The following FAM174B variants were observed in gnomAD, a reference collection of about 807,000 sequenced individuals.
FAM174B encodes membrane protein FAM174B.
In FAM174B, 12 loss-of-function variants were observed where a neutral mutation model predicts 10.9. The ratio of observed to expected loss-of-function variants is 1.10; its 90% confidence interval spans 0.71 to 1.79. The LOEUF (loss-of-function observed/expected upper bound fraction) is 1.79. Ranked by LOEUF, FAM174B falls within the 40% of genes most tolerant of loss-of-function variation. The probability of loss-of-function intolerance (pLI) is 0.00; values close to 1 mark genes in which losing one functional copy is unlikely to be tolerated. For synonymous variants in FAM174B, 132 were observed against 115.8 expected (o/e 1.14, Z -0.90); for missense variants, 266 against 233.3 (o/e 1.14, Z -0.91).
At chr15:92,631,435 A>G (rs1274329389) in intron 1 of FAM174B, among the ~76,000 whole-genome samples, 2 of 43,298 alleles carry the variant, frequency 4.6e-5, no homozygotes, top group African/African-American at 3.0e-4. Context: ...ATAATATAAT[A>G]TATTATATAT....
chr15:92,617,502 G>C lies in FAM174B; in HGVS notation c.*1954C>G. Reference sequence around the variant, plus strand: ...CCTGTGGCGCTGAAGTGCCACCAAGGATTTGGAAGGTCACTTTCAGCAGCC... The same window carrying C: ...CCTGTGGCGCTGAAGTGCCACCAAGCATTTGGAAGGTCACTTTCAGCAGCC... On this transcript the variant is annotated 3_prime_UTR_variant, in exon 3 of 3. Transcript: ENST00000327355. 2 of 507,496 alleles carry C rather than the reference G, an allele frequency of 3.9e-6. No individual in the cohort carries two copies. The allele number at this position is 507,496 out of a possible 1,614,324, so 31.4% of individuals were successfully genotyped here.
intron 1 of FAM174B, among the ~76,000 whole-genome samples, chr15:92,641,289 A>G (rs1161235557): frequency 1.3e-5 from 2 of 152,268 alleles, no homozygotes; most frequent in Admixed American, 6.5e-5. Flanking sequence ...TTGTTACAAC[A>G]TATACAGAGA....
chr15:92,646,988 T>C (rs2050932644), intron 1 of FAM174B, among the ~76,000 whole-genome samples: 2 of 152,260 alleles, frequency 1.3e-5, no homozygotes, highest in Admixed American at 6.5e-5. Flanking sequence ...GGCTGAGTCA[T>C]GGGCCAGTGG....
chr15:92,649,677 T>C (rs1249475131), intron 1 of FAM174B, among the ~76,000 whole-genome samples: 1 of 152,212 alleles, frequency 6.6e-6, no homozygotes, highest in African/African-American at 2.4e-5. Flanking sequence ...CAGCAGGCCT[T>C]GAAGCCGAGA....
At chr15:92,629,182 G>A (rs1032911852) in intron 2 of FAM174B, among the ~76,000 whole-genome samples, 1 of 152,160 alleles carries the variant, frequency 6.6e-6, no homozygotes, top group Non-Finnish European at 1.5e-5. Context: ...GGACCAGCCT[G>A]CATTTCTGTT....
At chr15:92,655,065 T>C (rs2050992098) in intron 1 of FAM174B, 1 of 364,784 alleles carries the variant, frequency 2.7e-6, no homozygotes, top group African/African-American at 2.1e-5. Flanking sequence ...AGCCAACAAA[T>C]GGGAACCACA....
intron 1 of FAM174B, among the ~76,000 whole-genome samples, chr15:92,635,341 T>C (rs2050848377): frequency 6.6e-6 from 1 of 152,170 alleles, no homozygotes; most frequent in Admixed American, 6.6e-5. Flanking sequence ...CACAACTCTC[T>C]TTACAAAAGA....
chr15:92,643,409 A>G (rs1339215299), intron 1 of FAM174B, among the ~76,000 whole-genome samples: 1 of 149,988 alleles, frequency 6.7e-6, no homozygotes, highest in Non-Finnish European at 1.5e-5. Flanking sequence ...ACTTGCTTCT[A>G]TATTTATAAA....
intron 1 of FAM174B, among the ~76,000 whole-genome samples, chr15:92,635,765 G>A (rs1464400851): frequency 6.6e-6 from 1 of 151,936 alleles, no homozygotes; most frequent in African/African-American, 2.4e-5. Flanking sequence ...ATTTTTAGTA[G>A]AGATGGGTTT....
Position 92,617,832 on chromosome 15 carries a change from A to G in FAM174B, c.*1624T>C, listed in dbSNP as rs2050689364. ...GAAAACAGAGAAGGAAAGTCAACAA[A>G]GAAGGTGAAATGCAGGGAGCAGAGA... On this transcript the variant is annotated 3_prime_UTR_variant, in exon 3 of 3. Coordinates refer to ENST00000327355, the MANE Select transcript of FAM174B (RefSeq NM_207446.3). 2.0e-6 allele frequency: 1 copy of G among 495,928 alleles called. No individual in the cohort carries two copies. The highest frequency in any genetic ancestry group is 4.1e-5 in the Admixed American group (1 of 24,676). The allele number at this position is 495,928 out of a possible 1,614,324, so 30.7% of individuals were successfully genotyped here.
At chr15:92,654,325 G>A (rs1474236013) in intron 1 of FAM174B, among the ~76,000 whole-genome samples, 1 of 152,192 alleles carries the variant, frequency 6.6e-6, no homozygotes, top group Non-Finnish European at 1.5e-5. Flanking sequence ...TGTACGCTTG[G>A]AAGCAGAGGG....
intron 1 of FAM174B, among the ~76,000 whole-genome samples, chr15:92,640,771 A>AAGT (rs1471464312): frequency 2.6e-5 from 4 of 151,826 alleles, no homozygotes; most frequent in Non-Finnish European, 4.4e-5. Flanking sequence ...CAGCCTCCCA[A>AAGT]GTAGCTGGGA....
intron 1 of FAM174B, among the ~76,000 whole-genome samples, chr15:92,633,100 A>T (rs188680035): frequency 2.8e-4 from 42 of 152,284 alleles, no homozygotes; most frequent in Admixed American, 2.6e-3. Context: ...AATACTGTCT[A>T]TGAGAAACCA....
At chr15:92,624,767 G>A (rs1395165160) in intron 2 of FAM174B, among the ~76,000 whole-genome samples, 1 of 152,224 alleles carries the variant, frequency 6.6e-6, no homozygotes, top group Non-Finnish European at 1.5e-5. Context: ...CCGGGACAGG[G>A]ACCTCCCTCT....
chr15:92,626,976 CGA>C (rs1055062777), intron 2 of FAM174B: 1 of 152,054 alleles, frequency 6.6e-6, no homozygotes, highest in African/African-American at 2.4e-5. Flanking sequence ...CGCTTGAACC[CGA>C]GAGGCAGAGG....
At chr15:92,638,476 C>T (rs1223483443) in intron 1 of FAM174B, among the ~76,000 whole-genome samples, 3 of 152,188 alleles carry the variant, frequency 2.0e-5, no homozygotes, top group Non-Finnish European at 2.9e-5. Context: ...AGGGGGAGGC[C>T]TTCCTTCCTC....
chr15:92,630,659 A>C (rs1038958993), intron 1 of FAM174B, among the ~76,000 whole-genome samples: 2 of 148,998 alleles, frequency 1.3e-5, no homozygotes, highest in African/African-American at 5.0e-5. Flanking sequence ...CTCAGTAAGC[A>C]AGATAAATAA....
chr15:92,645,726 C>A (rs3743361), intron 1 of FAM174B: 85,776 of 152,012 alleles, frequency 0.56, 26,350 homozygotes, highest in Non-Finnish European at 0.67. Flanking sequence ...CCCAGAGGGG[C>A]CCTTGGTGGA....
At chr15:92,645,647 G>C (rs1218374652) in intron 1 of FAM174B, 1 of 152,338 alleles carries the variant, frequency 6.6e-6, no homozygotes, top group Non-Finnish European at 1.5e-5. Context: ...GGGAAGGGAA[G>C]TGAGGTTTAA....
Sources: allele counts gnomAD v4.1 joint callset (sites outside exome capture counted in the v4.1 genomes callset), GRCh38; gene constraint gnomAD v4.1.1; transcripts MANE v1.5; gene names NCBI Gene and HGNC (gene_info 2026-07-23, HGNC 2026-07-21).